The following HSD17B2 variants were observed in gnomAD, a reference collection of about 807,000 sequenced individuals.
The protein encoded by HSD17B2 is hydroxysteroid 17-beta dehydrogenase 2, also known as 17-beta-hydroxysteroid dehydrogenase type 2.
In HSD17B2, 32 loss-of-function variants were observed where a neutral mutation model predicts 26.9. That is an observed-to-expected ratio of 1.19 (90% CI 0.90 to 1.60). The LOEUF is 1.60. Among genes scored for constraint, HSD17B2 ranks in the 40% most tolerant of loss-of-function variants. HSD17B2 has a pLI of 0.00. For missense variants in HSD17B2, 613 were observed against 468.6 expected, an observed-to-expected ratio of 1.31 and a Z score of -2.85; for synonymous variants, 246 against 186.7, an observed-to-expected ratio of 1.32 and a Z score of -2.59.
chr16:82,065,678 C>G (rs79707018), intron 1 of HSD17B2, among the ~76,000 whole-genome samples: 2,327 of 152,282 alleles, frequency 0.015, 72 homozygotes, highest in African/African-American at 0.053. Context: ...TTCTTACAGA[C>G]CACAAGAGGA....
intron 1 of HSD17B2, among the ~76,000 whole-genome samples, chr16:82,047,323 G>C (rs1475993739): frequency 6.6e-6 from 1 of 152,218 alleles, no homozygotes; most frequent in Non-Finnish European, 1.5e-5. Flanking sequence ...TTAGGGAAGA[G>C]CTAGAGAAGA....
rs376757967 is a variant in HSD17B2 at position 82,057,231 on chromosome 16, C to T, written c.266-10939C>T. Among the ~76,000 whole-genome samples the T allele has an allele frequency of 3.3e-5, 5 of 151,528 alleles. No homozygotes were observed. The East Asian group carries it at 7.7e-4, about 23-fold the overall frequency. On this transcript the variant is annotated intron_variant, in intron 1 of 4. Coordinates refer to ENST00000199936, the MANE Select transcript of HSD17B2 (RefSeq NM_002153.3). ...TTTTTTTTTTTTGAGAGAGAGTCCC[C>T]CTCCGTCACCAGGCTAGAGTGCAGT...
chr16:82,045,852 C>G (rs968981803), intron 1 of HSD17B2, among the ~76,000 whole-genome samples: 1 of 152,248 alleles, frequency 6.6e-6, no homozygotes, highest in African/African-American at 2.4e-5. Context: ...TGGGACCACT[C>G]TAGCCTCTTG....
chr16:82,079,380 G>C (rs889403796), intron 3 of HSD17B2, among the ~76,000 whole-genome samples: 1 of 152,302 alleles, frequency 6.6e-6, no homozygotes, highest in Admixed American at 6.5e-5. Flanking sequence ...TCGGCTTTCA[G>C]ATGACTACCT....
At chr16:82,061,766 A>G (rs1248669952) in intron 1 of HSD17B2, among the ~76,000 whole-genome samples, 1 of 152,250 alleles carries the variant, frequency 6.6e-6, no homozygotes, top group Non-Finnish European at 1.5e-5. Flanking sequence ...ACCTTCTTTT[A>G]TTGATCTCAG....
intron 1 of HSD17B2, among the ~76,000 whole-genome samples, chr16:82,054,215 A>G (rs1457329385): frequency 6.6e-6 from 1 of 151,970 alleles, no homozygotes; most frequent in African/African-American, 2.4e-5. Context: ...ATCGAAAAAA[A>G]AAAAAAAAGA....
At chr16:82,070,132 GT>G (rs1402474654) in intron 2 of HSD17B2, among the ~76,000 whole-genome samples, 1 of 152,112 alleles carries the variant, frequency 6.6e-6, no homozygotes, top group Non-Finnish European at 1.5e-5. Flanking sequence ...CATGTCAAAT[GT>G]TGTTTTTTTT....
chr16:82,090,116 T>G lies in HSD17B2; in HGVS notation c.665-786T>G. ...ATGCCCCACCATTTCCCAGGATGTA[T>G]GTTATTCCTCGTTGCAACAAGTATT... On this transcript the variant is annotated intron_variant, in intron 3 of 4. Transcript: ENST00000199936. The G allele has an allele frequency of 4.4e-6, 2 of 455,474 alleles. 1 individual carries two copies. Among genetic ancestry groups the G allele is most frequent in the Non-Finnish European group, 5.8e-6 (2 of 344,494 alleles). The allele number at this position is 455,474 out of a possible 1,614,324, so 28.2% of individuals were successfully genotyped here.
At chr16:82,055,131 A>G (rs1365512523) in intron 1 of HSD17B2, among the ~76,000 whole-genome samples, 1 of 152,220 alleles carries the variant, frequency 6.6e-6, no homozygotes, top group Non-Finnish European at 1.5e-5. Context: ...CACTGACTTA[A>G]AGGCCACATG....
chr16:82,071,475 C>G (rs1427633022), intron 3 of HSD17B2: 1 of 373,730 alleles, frequency 2.7e-6, no homozygotes, highest in Non-Finnish European at 5.1e-6. Flanking sequence ...GTTTTCAACA[C>G]TTCGTCAATT....
At chr16:82,071,235 G>A (rs1165382934) in intron 3 of HSD17B2, 108 bp downstream of exon 3, 2 of 991,734 alleles carry the variant, frequency 2.0e-6, no homozygotes, top group African/African-American at 3.2e-5. Context: ...GCAGGGTTGG[G>A]TCAGGATTAG....
chr16:82,035,539 G>A lies in HSD17B2; in HGVS notation c.115G>A (p.Val39Ile). Residue 39 changes from valine to isoleucine, a missense_variant, in exon 1 of 5, where the codon GTC becomes ATC. By Grantham distance (29) the Val-to-Ile change is conservative. Transcript: ENST00000199936. ...KSSGQLWSWM[V>I]CLAGLCAVCL... ...CTCAGGGCAGCTGTGGAGCTGGATG[G>A]TCTGCCTGGCAGGCCTCTGTGCAGT... is the stretch of plus-strand genomic sequence containing the variant. 1.2e-6 allele frequency: 2 copies of A among 1,614,074 alleles called. No homozygotes were observed. Among genetic ancestry groups the A allele is most frequent in the Non-Finnish European group, 1.7e-6 (2 of 1,180,036 alleles).
At chr16:82,081,446 T>C (rs1174709843) in intron 3 of HSD17B2, among the ~76,000 whole-genome samples, 1 of 152,092 alleles carries the variant, frequency 6.6e-6, no homozygotes. Context: ...TCAATACTTT[T>C]CTCTTTGATC....
At chr16:82,049,839 T>C (rs1279533343) in intron 1 of HSD17B2, among the ~76,000 whole-genome samples, 2 of 152,192 alleles carry the variant, frequency 1.3e-5, no homozygotes, top group African/African-American at 4.8e-5. Context: ...GGCACAAAGG[T>C]GAGGCTTCTC....
intron 1 of HSD17B2, among the ~76,000 whole-genome samples, chr16:82,042,713 C>G (rs1394303109): frequency 6.6e-6 from 1 of 152,104 alleles, no homozygotes; most frequent in African/African-American, 2.4e-5. Context: ...CCTCCTCCTC[C>G]TGGGTTCAAG....
At chr16:82,075,983 A>G (rs1904299236) in intron 3 of HSD17B2, among the ~76,000 whole-genome samples, 2 of 152,068 alleles carry the variant, frequency 1.3e-5, no homozygotes, top group African/African-American at 4.8e-5. Flanking sequence ...TCCTTAACAA[A>G]ATACTAGTAA....
Position 82,035,389 on chromosome 16 carries a change from G to C in HSD17B2, c.-36G>C, listed in dbSNP as rs1213338583. 2 of 1,590,922 alleles carry C rather than the reference G, an allele frequency of 1.3e-6. No individual in the cohort carries two copies. The highest frequency in any genetic ancestry group is 1.7e-6 in the Non-Finnish European group (2 of 1,166,848). On this transcript the variant is annotated 5_prime_UTR_variant, in exon 1 of 5. Transcript: ENST00000199936. The stretch of plus-strand genomic sequence containing the variant: ...CAGCCTTTGCCCGCTAGACTCACTG[G>C]CCCTGAGCACTTGAAGGTGCAGCAA...
chr16:82,094,218 T>C (rs1466377953), intron 4 of HSD17B2: 1 of 152,230 alleles, frequency 6.6e-6, no homozygotes, highest in Non-Finnish European at 1.5e-5. Flanking sequence ...ATTCTCATTT[T>C]ACCCAGCCCC....
intron 3 of HSD17B2, among the ~76,000 whole-genome samples, chr16:82,079,646 C>G (rs1904330632): frequency 6.6e-6 from 1 of 152,036 alleles, no homozygotes; most frequent in African/African-American, 2.4e-5. Flanking sequence ...TGATAAGGGA[C>G]AGGGGAATTC....
Sources: gnomAD v4.1 joint callset for allele counts (sites outside exome capture counted in the v4.1 genomes callset) on GRCh38, gnomAD v4.1.1 for gene constraint, MANE v1.5 for transcripts, NCBI Gene and HGNC (gene_info 2026-07-23, HGNC 2026-07-21) for gene names.